The following BRD8 variants were observed in gnomAD, a reference collection of about 807,000 sequenced individuals.
BRD8 encodes the protein bromodomain-containing protein 8.
BRD8 carries 67 observed loss-of-function variants against 143.1 expected under a neutral mutation model. The ratio of observed to expected loss-of-function variants is 0.47; its 90% CI spans 0.38 to 0.57. BRD8 has a LOEUF of 0.57. BRD8 is among the 20% of genes least tolerant of loss of function. The pLI is 0.00. For missense variants in BRD8, 1,103 were observed against 1,503.0 expected, an observed-to-expected ratio of 0.73 and a Z score of 4.40; for synonymous variants, 505 against 517.1, an observed-to-expected ratio of 0.98 and a Z score of 0.32.
At chr5:138,178,544 C>T (rs1383533795) in intron 1 of BRD8, 52 bp downstream of exon 1, 3 of 1,555,446 alleles carry the variant, frequency 1.9e-6, no homozygotes, top group Non-Finnish European at 2.7e-6. Context: ...AATATGGTGC[C>T]TAGCCTCGGA....
chr5:138,169,273 A>T lies in BRD8; in HGVS notation c.591T>A (p.Asp197Glu). ...SPIDSASPGG[D>E]YPLGDLTPTT... ...TTGGAGTCAAGTCCCCAAGTGGATAATCACCTCCTGGGGAGGCAGAATCTA... is the reference window on the plus strand; with the variant it reads ...TTGGAGTCAAGTCCCCAAGTGGATATTCACCTCCTGGGGAGGCAGAATCTA... Residue 197 changes from aspartate (D) to glutamate (E), a missense_variant, in exon 8 of 27, where the codon GAT becomes GAA. By Grantham distance (45) the Asp-to-Glu change is conservative (BLOSUM62 2). Around this residue, in one of 7 missense-constraint regions of BRD8, gnomAD observed 334 missense variants for 372.5 expected, o/e 0.90. Transcript: ENST00000254900. The T allele has an allele frequency of 1.2e-6, 2 of 1,614,098 alleles. No individual in the cohort carries two copies. The highest frequency in any genetic ancestry group is 1.7e-6 in the Non-Finnish European group (2 of 1,179,970).
intron 21 of BRD8, 64 bp from the exon 22 acceptor site, chr5:138,151,072 A>G: frequency 6.5e-7 from 1 of 1,547,308 alleles, no homozygotes; most frequent in Non-Finnish European, 8.7e-7. Flanking sequence ...CCACATATCA[A>G]CAATGCCACA....
chr5:138,152,267 G>C (rs1752403696), intron 21 of BRD8, among the ~76,000 whole-genome samples: 1 of 152,244 alleles, frequency 6.6e-6, no homozygotes, highest in South Asian at 2.1e-4. Flanking sequence ...TGGGATTACA[G>C]GCGTGAGCCA....
At chr5:138,163,438 C>A in intron 14 of BRD8, 94 bp from the exon 15 acceptor site, 1 of 1,463,102 alleles carries the variant, frequency 6.8e-7, no homozygotes, top group Non-Finnish European at 9.4e-7. Flanking sequence ...AGAATTAGTT[C>A]TAGAAATGAC....
In BRD8 at chr5:138,148,202, G is replaced by A. The variant is rs114555951; in HGVS notation, c.3278+1438C>T. ...GAAAAAAAAAAGGGAAAAAAAAAGG[G>A]TCAGTGCATAAATCTCATAATGTTT... On this transcript the variant is annotated intron_variant, in intron 23 of 26. Transcript: ENST00000254900. Among the ~76,000 whole-genome samples, 753 of 150,768 alleles carry A rather than the reference G, an allele frequency of 5.0e-3. 8 individuals carry two copies. Among genetic ancestry groups the A allele is most frequent in the African/African-American group, 0.016 (674 of 41,172 alleles).
In BRD8 at chr5:138,149,668, G is replaced by T. The variant is rs181564357; in HGVS notation, c.3250C>A (p.Leu1084Ile). Residue 1084 changes from leucine to isoleucine, a missense_variant, in exon 23 of 27, where the codon CTT becomes ATT. Leu to Ile is a conservative substitution (Grantham distance 5). Transcript: ENST00000254900. ...NIKETPLVDT[L>I]FSHATSSKLT... ...TTTGAGGAGGTAGCATGGCTGAAAAGTGTATCCACCAAGGGAGTCTCCTTA... is the reference window on the plus strand; with the variant it reads ...TTTGAGGAGGTAGCATGGCTGAAAATTGTATCCACCAAGGGAGTCTCCTTA... The T allele has an allele frequency of 7.5e-6, 12 of 1,610,508 alleles. No homozygotes were observed. In the African/African-American group the frequency reaches 9.3e-5, roughly 13 times the overall value.
chr5:138,165,726 C>CA (rs374362323), intron 11 of BRD8, 102 bp downstream of exon 11: 92,133 of 941,632 alleles, frequency 0.098, 812 homozygotes, highest in Non-Finnish European at 0.11. Flanking sequence ...ACTCTGTCTC[C>CA]AAAAAAAAAA....
chr5:138,149,540 C>A, intron 23 of BRD8, 100 bp downstream of exon 23: 1 of 1,102,230 alleles, frequency 9.1e-7, no homozygotes, highest in Non-Finnish European at 1.2e-6. Flanking sequence ...TTTTCCAACT[C>A]TAATTTTCTT....
intron 23 of BRD8, among the ~76,000 whole-genome samples, chr5:138,148,106 G>T (rs1198220633): frequency 7.9e-6 from 1 of 125,916 alleles, no homozygotes; most frequent in East Asian, 2.4e-4. Context: ...GGAGGAAGAA[G>T]AAGAATTGTC....
intron 2 of BRD8, among the ~76,000 whole-genome samples, chr5:138,174,183 TAC>T (rs1476476950): frequency 6.6e-6 from 1 of 152,092 alleles, no homozygotes; most frequent in Non-Finnish European, 1.5e-5. Flanking sequence ...TGTGTGTGTA[TAC>T]ATATATATTT....
chr5:138,173,056 T>C lies in BRD8; in HGVS notation c.117-922A>G, dbSNP rs189468549. On this transcript the variant is annotated intron_variant, in intron 2 of 26. Coordinates refer to ENST00000254900, the MANE Select transcript of BRD8 (RefSeq NM_139199.2). ...ATTTTGAATCTTATGACTTAGTATCTGCTGATAAAATAATAAAATTTAAAA... is the reference window on the plus strand; with the variant it reads ...ATTTTGAATCTTATGACTTAGTATCCGCTGATAAAATAATAAAATTTAAAA... 6.6e-5 allele frequency among the ~76,000 whole-genome samples: 10 copies of C among 152,306 alleles called. No homozygotes were observed. In the East Asian group the frequency reaches 1.9e-3, roughly 29 times the overall value.
chr5:138,149,639 C>G lies in BRD8; in HGVS notation c.3278+1G>C, dbSNP rs1171018874. ...AAACTTGGATGAAAGTCTACGCTTA[C>G]AGCTTTGAGGAGGTAGCATGGCTGA... On this transcript the variant is annotated splice_donor_variant, in intron 23 of 26. Transcript: ENST00000254900. LOFTEE classifies it high-confidence loss of function. 1 of 1,590,940 alleles carries G rather than the reference C, an allele frequency of 6.3e-7. No individual in the cohort carries two copies. The highest frequency in any genetic ancestry group is 8.5e-7 in the Non-Finnish European group (1 of 1,170,986).
At chr5:138,143,958 C>T (rs902587652) in intron 25 of BRD8, among the ~76,000 whole-genome samples, 1 of 152,220 alleles carries the variant, frequency 6.6e-6, no homozygotes, top group Non-Finnish European at 1.5e-5. Context: ...CCCTTCCACA[C>T]TGTGGAGGCT....
intron 24 of BRD8, 66 bp from the exon 25 acceptor site, chr5:138,145,311 G>T: frequency 1.4e-6 from 2 of 1,456,656 alleles, no homozygotes; most frequent in Non-Finnish European, 1.9e-6. Context: ...GAGAAGAGTA[G>T]CTCAGTTCTT....
At chr5:138,159,621 C>G (rs368802258) in intron 19 of BRD8, 22 bp from the exon 20 acceptor site, 16 of 1,613,114 alleles carry the variant, frequency 9.9e-6, no homozygotes, top group Admixed American at 1.7e-5. Flanking sequence ...CAAACAAACA[C>G]TGATCAGGTT....
In BRD8 at chr5:138,150,119, A is replaced by AT. The variant is rs761793108; in HGVS notation, c.3121-323dup. 6.7e-3 allele frequency among the ~76,000 whole-genome samples: 943 copies of AT among 141,370 alleles called. 6 individuals are homozygous for AT. Among genetic ancestry groups the AT allele is most frequent in the African/African-American group, 7.9e-3 (306 of 38,524 alleles). The allele number at this position is 141,370 out of a possible 152,430, so 92.7% of individuals were successfully genotyped here. On this transcript the variant is annotated intron_variant, in intron 22 of 26. Transcript: ENST00000254900. The stretch of plus-strand genomic sequence containing the variant: ...GTTAACTACTCTAGCTGGCCAGATA[A>AT]TTTTTTTTTTTTTTTTGAGACAGGG...
Position 138,150,119 on chromosome 5 carries a change from AT to A in BRD8, c.3121-323del, listed in dbSNP as rs761793108. ...GTTAACTACTCTAGCTGGCCAGATAATTTTTTTTTTTTTTTTGAGACAGGGT... is the reference window on the plus strand; with the variant it reads ...GTTAACTACTCTAGCTGGCCAGATAATTTTTTTTTTTTTTTGAGACAGGGT... On this transcript the variant is annotated intron_variant, in intron 22 of 26. Coordinates refer to ENST00000254900, the MANE Select transcript of BRD8 (RefSeq NM_139199.2). Among the ~76,000 whole-genome samples, 838 of 141,106 alleles carry A rather than the reference AT, an allele frequency of 5.9e-3. 2 individuals carry two copies. The highest frequency in any genetic ancestry group is 8.1e-3 in the African/African-American group (310 of 38,500). 92.6% of individuals were successfully genotyped at this position (141,106 alleles called of 152,430 possible). A position where few individuals can be genotyped will look rare whatever the true frequency, so the allele number is the denominator to read the frequency against.
chr5:138,140,960 GAACT>G (rs916368236), intron 25 of BRD8, 78 bp from the exon 26 acceptor site: 2 of 1,437,934 alleles, frequency 1.4e-6, no homozygotes, highest in African/African-American at 1.4e-5. Context: ...TTCTCTTGAA[GAACT>G]AACCAGTTCT....
intron 24 of BRD8, among the ~76,000 whole-genome samples, chr5:138,145,570 C>T (rs966256778): frequency 6.6e-6 from 1 of 152,086 alleles, no homozygotes; most frequent in Non-Finnish European, 1.5e-5. Flanking sequence ...TAGTAGGAAC[C>T]AATTTCTAGA....
Sources: gnomAD v4.1 joint callset for allele counts (sites outside exome capture counted in the v4.1 genomes callset) on GRCh38, gnomAD v4.1.1 for gene constraint, gnomAD v4.1.1 regional missense constraint, MANE v1.5 for transcripts, NCBI Gene and HGNC (gene_info 2026-07-23, HGNC 2026-07-21) for gene names.